Variants in SEPSECS observed in about 807,000 individuals in gnomAD.
The protein encoded by SEPSECS is O-phosphoseryl-tRNA(Sec) selenium transferase.
SEPSECS carries 42 observed loss-of-function variants against 52.1 expected under a neutral mutation model. That is an observed-to-expected ratio of 0.81 (90% CI 0.63 to 1.04). The LOEUF (loss-of-function observed/expected upper bound fraction) is 1.04. Among genes scored for constraint, SEPSECS ranks in the 50% least tolerant of loss-of-function variants. SEPSECS has a pLI of 0.00. For synonymous variants in SEPSECS, 216 were observed against 211.4 expected (o/e 1.02, Z -0.19); for missense variants, 590 against 610.6 (o/e 0.97, Z 0.36).
chr4:25,152,265 A>T (rs977150842), intron 5 of SEPSECS, among the ~76,000 whole-genome samples: 2 of 152,072 alleles, frequency 1.3e-5, no homozygotes, highest in Non-Finnish European at 2.9e-5. Context: ...GAATAAACCT[A>T]AAAAGGCTTT....
rs1728179515 is a variant in SEPSECS, at chr4:25,122,753, T to G, written c.*1178A>C. On this transcript the variant is annotated 3_prime_UTR_variant, in exon 11 of 11. Coordinates refer to ENST00000382103, the MANE Select transcript of SEPSECS (RefSeq NM_016955.4). Reference sequence around the variant, plus strand: ...ATGACATCTCTATTTCTTAAAATAGTCTTAAGTAAGTCTATTTCTTAAATT... The same window carrying G: ...ATGACATCTCTATTTCTTAAAATAGGCTTAAGTAAGTCTATTTCTTAAATT... The G allele has an allele frequency of 6.6e-6, 1 of 152,172 alleles. No homozygotes were observed. Among genetic ancestry groups the G allele is most frequent in the South Asian group, 2.1e-4 (1 of 4,832 alleles). 9.4% of individuals were successfully genotyped at this position (152,172 alleles called of 1,614,324 possible).
chr4:25,133,248 C>T (rs1463654632), intron 8 of SEPSECS, among the ~76,000 whole-genome samples: 4 of 152,170 alleles, frequency 2.6e-5, no homozygotes, highest in African/African-American at 9.7e-5. Context: ...TTCTACTCTA[C>T]TCTATATATC....
In SEPSECS at chr4:25,124,161, T is replaced by C. The variant is rs142133435; in HGVS notation, c.1276A>G (p.Thr426Ala). 6.8e-4 allele frequency: 1,098 copies of C among 1,613,682 alleles called. No individual in the cohort carries two copies. Among genetic ancestry groups the C allele is most frequent in the Non-Finnish European group, 8.6e-4 (1,020 of 1,179,750 alleles). Reference protein sequence around the residue: ...GYTFRGFMSHTNNYPCAYLNA... With the variant: ...GYTFRGFMSHANNYPCAYLNA... ...AGGTAAGCACAAGGGTAATTATTTG[T>C]ATGTGACATAAAGCCTCTGAAAGTA... The change falls in exon 11 of 11, where the codon ACA (threonine) becomes GCA (alanine). Residue 426 changes from threonine (T) to alanine (A), a missense_variant. Transcript: ENST00000382103.
chr4:25,148,622 C>T (rs916166384), intron 6 of SEPSECS, among the ~76,000 whole-genome samples: 1 of 152,054 alleles, frequency 6.6e-6, no homozygotes, highest in African/African-American at 2.4e-5. Context: ...AAGAAATGTC[C>T]ATTTTAATAA....
At chr4:25,142,108 C>G (rs1390905642) in intron 8 of SEPSECS, among the ~76,000 whole-genome samples, 2 of 152,166 alleles carry the variant, frequency 1.3e-5, no homozygotes, top group Admixed American at 1.3e-4. Context: ...AAAACCCCGT[C>G]TCTACTAAAA....
At chr4:25,148,601 T>C (rs1394099248) in intron 6 of SEPSECS, among the ~76,000 whole-genome samples, 1 of 152,204 alleles carries the variant, frequency 6.6e-6, no homozygotes, top group African/African-American at 2.4e-5. Flanking sequence ...ATATTTGCTT[T>C]TTTTGTTTTA....
chr4:25,136,524 T>C (rs1728849327), intron 8 of SEPSECS, among the ~76,000 whole-genome samples: 1 of 152,056 alleles, frequency 6.6e-6, no homozygotes, highest in Non-Finnish European at 1.5e-5. Context: ...GAAGGAACTC[T>C]TCAAGGGAAA....
At chr4:25,125,866 G>A (rs568608471) in intron 9 of SEPSECS, 82 bp from the exon 10 acceptor site, 4 of 844,268 alleles carry the variant, frequency 4.7e-6, no homozygotes, top group Admixed American at 2.0e-5. Context: ...TAATGATGAA[G>A]GCATTACTTT....
chr4:25,144,633 G>T (rs2109021668), intron 8 of SEPSECS, 141 bp downstream of exon 8: 2 of 647,380 alleles, frequency 3.1e-6, no homozygotes, highest in East Asian at 5.3e-5. Context: ...CACCTATGGT[G>T]GTTCCAGATC....
rs930000394 is a variant in SEPSECS at position 25,123,621 on chromosome 4, T to C, written c.*310A>G. ...GAAGCACTCTACATTTCAAAGAGAA[T>C]TGAAGTAATTTTACTGTCATTACAC... On this transcript the variant is annotated 3_prime_UTR_variant, in exon 11 of 11. Transcript: ENST00000382103. 1 of 351,028 alleles carries C rather than the reference T, an allele frequency of 2.8e-6. No homozygotes were observed. The highest frequency in any genetic ancestry group is 2.1e-5 in the African/African-American group (1 of 48,116). The allele number at this position is 351,028 out of a possible 1,614,324, so 21.7% of individuals were successfully genotyped here.
Position 25,120,859 on chromosome 4 carries a change from A to G in SEPSECS, c.*3072T>C, listed in dbSNP as rs1289048682. On this transcript the variant is annotated 3_prime_UTR_variant, in exon 11 of 11. Coordinates refer to ENST00000382103, the MANE Select transcript of SEPSECS (RefSeq NM_016955.4). ...ACTACTAATTCAATATTAAAGTAACATCAGCAGTAAACACAAATTATCTGT... is the reference window on the plus strand; with the variant it reads ...ACTACTAATTCAATATTAAAGTAACGTCAGCAGTAAACACAAATTATCTGT... 1 of 152,152 alleles carries G rather than the reference A, an allele frequency of 6.6e-6. No homozygotes were observed. Among genetic ancestry groups the G allele is most frequent in the Non-Finnish European group, 1.5e-5 (1 of 67,994 alleles). The allele number at this position is 152,152 out of a possible 1,614,324, so 9.4% of individuals were successfully genotyped here.
intron 8 of SEPSECS, 51 bp downstream of exon 8, chr4:25,144,723 G>A (rs771930183): frequency 7.8e-7 from 1 of 1,279,256 alleles, no homozygotes; most frequent in African/African-American, 1.5e-5. Flanking sequence ...CAATGATTTG[G>A]AGCACAGTTC....
intron 8 of SEPSECS, among the ~76,000 whole-genome samples, chr4:25,131,370 GA>G (rs1728599256): frequency 6.6e-6 from 1 of 152,140 alleles, no homozygotes; most frequent in African/African-American, 2.4e-5. Flanking sequence ...TAAACCAAAA[GA>G]AACATACCCA....
rs2302565 is a variant in SEPSECS, at chr4:25,144,685, G to A, written c.1026+89C>T. 606,606 of 928,910 alleles carry A rather than the reference G, an allele frequency of 0.65. 199,975 individuals carry two copies. The highest frequency in any genetic ancestry group is 0.7 in the Admixed American group (40,400 of 57,378). 57.5% of individuals were successfully genotyped at this position (928,910 alleles called of 1,614,324 possible). A position where few individuals can be genotyped will look rare whatever the true frequency, so the allele number is the denominator to read the frequency against. On this transcript the variant is annotated intron_variant, in intron 8 of 10. Transcript: ENST00000382103. ...GACCATACTAGATGTCTCCCTCCCAGTGCAAGAAACCAACAGGCAGAAAAC... is the reference window on the plus strand; with the variant it reads ...GACCATACTAGATGTCTCCCTCCCAATGCAAGAAACCAACAGGCAGAAAAC...
chr4:25,136,180 C>A (rs1728833145), intron 8 of SEPSECS, among the ~76,000 whole-genome samples: 1 of 152,138 alleles, frequency 6.6e-6, no homozygotes, highest in Non-Finnish European at 1.5e-5. Context: ...TCTTATTCAA[C>A]ATACCATTGG....
chr4:25,157,185 C>T (rs891074334), intron 2 of SEPSECS, among the ~76,000 whole-genome samples: 2 of 152,160 alleles, frequency 1.3e-5, no homozygotes, highest in Admixed American at 6.5e-5. Context: ...TTTCCAAAGA[C>T]GGCCACCATC....
chr4:25,139,384 CT>C (rs5856888), intron 8 of SEPSECS, among the ~76,000 whole-genome samples: 1 of 108,824 alleles, frequency 9.2e-6, no homozygotes, highest in South Asian at 3.4e-4. Context: ...AAAGTTGTGT[CT>C]TTTTTTTTTT....
upstream of SEPSECS, chr4:25,160,518 A>C: frequency 3.1e-6 from 2 of 645,530 alleles, no homozygotes; most frequent in South Asian, 2.1e-5. Context: ...CAAAAAAAAC[A>C]CTTCTCGTTC....
intron 10 of SEPSECS, among the ~76,000 whole-genome samples, chr4:25,124,930 T>C (rs188376352): frequency 1.1e-4 from 17 of 152,002 alleles, no homozygotes; most frequent in Admixed American, 1.3e-4. Flanking sequence ...TCAATTAGGC[T>C]CAACCTAAAC....
Sources: allele counts gnomAD v4.1 joint callset (sites outside exome capture counted in the v4.1 genomes callset), GRCh38; gene constraint gnomAD v4.1.1; transcripts MANE v1.5; gene names NCBI Gene and HGNC (gene_info 2026-07-23, HGNC 2026-07-21).